WWOX: variants seen among roughly 807,000 people sequenced by gnomAD.
WWOX encodes the protein WW domain-containing oxidoreductase.
In WWOX, 69 loss-of-function variants were observed where a neutral mutation model predicts 46.2. The ratio of observed to expected loss-of-function variants is 1.49; its 90% CI spans 1.23 to 1.82. The LOEUF (loss-of-function observed/expected upper bound fraction) is 1.82, where lower values mean the gene tolerates loss of function less well. Ranked by LOEUF, WWOX falls within the 40% of genes most tolerant of loss-of-function variation. WWOX has a pLI of 0.00. For synonymous variants in WWOX, 359 were observed against 202.6 expected, an observed-to-expected ratio of 1.77 and a Z score of -6.56; for missense variants, 919 against 542.6, an observed-to-expected ratio of 1.69 and a Z score of -6.89.
intron 8 of WWOX, among the ~76,000 whole-genome samples, chr16:78,657,108 C>T (rs951126936): frequency 6.6e-4 from 100 of 152,140 alleles, no homozygotes; most frequent in African/African-American, 2.4e-3. Context: ...AATTCACACA[C>T]CAGGCTGCCA....
chr16:79,195,330 C>T (rs1456748518), intron 8 of WWOX, among the ~76,000 whole-genome samples: 26 of 152,010 alleles, frequency 1.7e-4, no homozygotes, highest in Non-Finnish European at 1.5e-5. Flanking sequence ...TGCGAATGCT[C>T]CAGTCAATCC....
chr16:78,770,438 G>T (rs746493348), intron 8 of WWOX, among the ~76,000 whole-genome samples: 9 of 152,206 alleles, frequency 5.9e-5, no homozygotes, highest in Non-Finnish European at 1.2e-4. Flanking sequence ...AGTACACCCA[G>T]GAAAGAGCAA....
intron 8 of WWOX, among the ~76,000 whole-genome samples, chr16:78,770,826 C>CT (rs1412921405): frequency 6.6e-6 from 1 of 152,238 alleles, no homozygotes; most frequent in Non-Finnish European, 1.5e-5. Context: ...CCGAGCAATG[C>CT]TAAATGTGCC....
chr16:78,372,011 G>A (rs1394937566), intron 5 of WWOX, among the ~76,000 whole-genome samples: 1 of 152,148 alleles, frequency 6.6e-6, no homozygotes, highest in African/African-American at 2.4e-5. Context: ...AGGCCTTGAA[G>A]AAGTGTACCT....
chr16:78,769,972 A>T (rs1277884186), intron 8 of WWOX, among the ~76,000 whole-genome samples: 1 of 152,100 alleles, frequency 6.6e-6, no homozygotes, highest in Non-Finnish European at 1.5e-5. Context: ...TGAGCTCAAG[A>T]GGTTGAGGCT....
At chr16:78,938,170 C>T (rs2045781003) in intron 8 of WWOX, among the ~76,000 whole-genome samples, 1 of 152,162 alleles carries the variant, frequency 6.6e-6, no homozygotes, top group Non-Finnish European at 1.5e-5. Context: ...CTGGGAAAGA[C>T]ACAGGATGGC....
intron 8 of WWOX, among the ~76,000 whole-genome samples, chr16:78,561,632 C>G (rs1236104079): frequency 1.3e-5 from 2 of 151,354 alleles, no homozygotes; most frequent in Non-Finnish European, 2.9e-5. Flanking sequence ...TTTGGAGAGA[C>G]TTTTTCAAAA....
At chr16:78,368,101 T>G (rs1397656147) in intron 5 of WWOX, among the ~76,000 whole-genome samples, 1 of 152,196 alleles carries the variant, frequency 6.6e-6, no homozygotes, top group Non-Finnish European at 1.5e-5. Flanking sequence ...TTCGCTGCTT[T>G]TTCTGCCTTT....
chr16:78,846,631 T>C (rs2052306135), intron 8 of WWOX, among the ~76,000 whole-genome samples: 1 of 152,176 alleles, frequency 6.6e-6, no homozygotes, highest in Non-Finnish European at 1.5e-5. Context: ...TTACTAGTGA[T>C]GTTAGCCTTG....
At position 78,355,447 on chromosome 16, in the gene WWOX, A is replaced by G. The variant is rs576469107; in HGVS notation, c.517-31413A>G. On this transcript the variant is annotated intron_variant, in intron 5 of 8. Transcript: ENST00000566780. ...GAAACCGTGTCTCTACTAAAAGTAC[A>G]AAAAATTAGCCTGGCGTGGTGGCGG... The G allele has an allele frequency of 9.4e-5, 30 of 318,642 alleles. 1 individual carries two copies. Among genetic ancestry groups the G allele is most frequent in the African/African-American group, 5.8e-4 (26 of 44,614 alleles). The allele number at this position is 318,642 out of a possible 1,614,324, so 19.7% of individuals were successfully genotyped here.
At chr16:78,351,348 C>G (rs1251075015) in intron 5 of WWOX, among the ~76,000 whole-genome samples, 2 of 152,186 alleles carry the variant, frequency 1.3e-5, no homozygotes, top group Non-Finnish European at 2.9e-5. Context: ...GAAAAAAGTA[C>G]TGATTGTCCA....
intron 8 of WWOX, among the ~76,000 whole-genome samples, chr16:79,164,496 G>C (rs945945144): frequency 6.6e-6 from 1 of 152,096 alleles, no homozygotes. Flanking sequence ...ATGGGGGGAT[G>C]GGGGGAGGCC....
intron 8 of WWOX, among the ~76,000 whole-genome samples, chr16:78,686,943 T>C (rs2047875548): frequency 6.6e-6 from 1 of 152,244 alleles, no homozygotes; most frequent in Admixed American, 6.5e-5. Flanking sequence ...TCCAAGCAGC[T>C]AAGGCTTGTG....
chr16:78,916,591 T>C (rs953592375), intron 8 of WWOX, among the ~76,000 whole-genome samples: 7 of 152,184 alleles, frequency 4.6e-5, no homozygotes, highest in African/African-American at 1.7e-4. Flanking sequence ...ATAATAATTA[T>C]ACCAAGACAA....
intron 8 of WWOX, among the ~76,000 whole-genome samples, chr16:78,675,286 C>T (rs1291384447): frequency 6.6e-6 from 1 of 152,090 alleles, no homozygotes; most frequent in African/African-American, 2.4e-5. Context: ...CTTTAAGCTA[C>T]AGCTGTAATT....
intron 5 of WWOX, among the ~76,000 whole-genome samples, chr16:78,165,519 A>G (rs767180463): frequency 6.6e-6 from 1 of 152,102 alleles, no homozygotes; most frequent in Non-Finnish European, 1.5e-5. Flanking sequence ...GAAAGACCTG[A>G]AGAGGGTGGA....
rs2079646505 is a variant in WWOX, at chr16:78,279,963, AC to A, written c.517-106896del. Among the ~76,000 whole-genome samples, 4 of 152,344 alleles carry A rather than the reference AC, an allele frequency of 2.6e-5. No homozygotes were observed. The South Asian group carries it at 8.3e-4, about 32-fold the overall frequency. The stretch of plus-strand genomic sequence containing the variant: ...ATCTCCTTATGGAAAACAGGAAACC[AC>A]AGATGAATCAAATGAATCCGTTTCC... On this transcript the variant is annotated intron_variant, in intron 5 of 8. Coordinates refer to ENST00000566780, the MANE Select transcript of WWOX (RefSeq NM_016373.4).
At chr16:78,670,633 G>C (rs2047438362) in intron 8 of WWOX, among the ~76,000 whole-genome samples, 1 of 152,000 alleles carries the variant, frequency 6.6e-6, no homozygotes, top group South Asian at 2.1e-4. Flanking sequence ...TGGAACCTCA[G>C]AATGTGACCT....
At chr16:78,622,000 C>T (rs766885438) in intron 8 of WWOX, among the ~76,000 whole-genome samples, 2 of 152,100 alleles carry the variant, frequency 1.3e-5, no homozygotes, top group Non-Finnish European at 2.9e-5. Context: ...TGTCCAATGT[C>T]ATTCTTGGGC....
Sources: gnomAD v4.1 joint callset for allele counts (sites outside exome capture counted in the v4.1 genomes callset) on GRCh38, gnomAD v4.1.1 for gene constraint, MANE v1.5 for transcripts, NCBI Gene and HGNC (gene_info 2026-07-23, HGNC 2026-07-21) for gene names.